Variants in PARD3B observed in about 807,000 individuals in gnomAD.
PARD3B encodes par-3 family cell polarity regulator beta.
A neutral mutation model predicts 130.2 loss-of-function variants in PARD3B; 103 were observed. That is an observed-to-expected ratio of 0.79 (90% CI 0.67 to 0.93). PARD3B has a LOEUF of 0.93. PARD3B is among the 40% of genes least tolerant of loss of function. The pLI is 0.00. For synonymous variants in PARD3B, 583 were observed against 553.2 expected, an observed-to-expected ratio of 1.05 and a Z score of -0.76; for missense variants, 1,609 against 1,499.2, an observed-to-expected ratio of 1.07 and a Z score of -1.21.
At chr2:205,406,580 A>G (rs944486189) in intron 19 of PARD3B, among the ~76,000 whole-genome samples, 4 of 151,214 alleles carry the variant, frequency 2.6e-5, no homozygotes, top group African/African-American at 9.7e-5. Flanking sequence ...ATAAAATATT[A>G]TAAAAATCAT....
At chr2:205,127,097 C>T (rs753656630) in intron 10 of PARD3B, among the ~76,000 whole-genome samples, 3 of 151,502 alleles carry the variant, frequency 2.0e-5, no homozygotes, top group East Asian at 3.9e-4. Flanking sequence ...GTCAGGAGTT[C>T]GAAACCTGAC....
chr2:204,935,373 C>CAAA (rs3067765), intron 2 of PARD3B, among the ~76,000 whole-genome samples: 1,325 of 128,990 alleles, frequency 0.01, 16 homozygotes, highest in African/African-American at 0.025. Flanking sequence ...ACTAAAAATA[C>CAAA]AAAAAAAAAA....
At chr2:205,573,856 G>GT (rs1327833889) in intron 22 of PARD3B, among the ~76,000 whole-genome samples, 2 of 152,146 alleles carry the variant, frequency 1.3e-5, no homozygotes, top group Non-Finnish European at 2.9e-5. Context: ...GACTAGACAA[G>GT]TTAACAGTTC....
intron 1 of PARD3B, among the ~76,000 whole-genome samples, chr2:204,549,297 C>A (rs2030266695): frequency 6.6e-6 from 1 of 152,176 alleles, no homozygotes; most frequent in Non-Finnish European, 1.5e-5. Flanking sequence ...AATCCTGACA[C>A]TTTATCAGTG....
intron 21 of PARD3B, among the ~76,000 whole-genome samples, chr2:205,544,139 A>G (rs60631263): frequency 0.04 from 6,067 of 152,242 alleles, 407 homozygotes; most frequent in African/African-American, 0.14. Context: ...TAAGTACTAG[A>G]TATTAGCATC....
At chr2:204,986,749 T>C (rs1693191724) in intron 3 of PARD3B, among the ~76,000 whole-genome samples, 2 of 152,186 alleles carry the variant, frequency 1.3e-5, no homozygotes, top group Non-Finnish European at 2.9e-5. Flanking sequence ...AATGACCTTT[T>C]CGATGGGTAA....
chr2:204,565,266 G>T (rs528909357), intron 1 of PARD3B, among the ~76,000 whole-genome samples: 2 of 152,104 alleles, frequency 1.3e-5, no homozygotes, highest in Non-Finnish European at 2.9e-5. Flanking sequence ...AAGTCAGCTC[G>T]CAACACGGAG....
intron 2 of PARD3B, among the ~76,000 whole-genome samples, chr2:204,739,982 A>T (rs1049438579): frequency 6.6e-6 from 1 of 151,028 alleles, no homozygotes; most frequent in African/African-American, 2.4e-5. Context: ...CTAAACTTTA[A>T]TTCTGTTTTC....
chr2:204,760,202 G>C (rs1344522095), intron 2 of PARD3B, among the ~76,000 whole-genome samples: 3 of 152,050 alleles, frequency 2.0e-5, no homozygotes, highest in Non-Finnish European at 4.4e-5. Context: ...TTTCACCTTA[G>C]TGGGTTGTAA....
intron 4 of PARD3B, among the ~76,000 whole-genome samples, chr2:205,080,277 A>G (rs1023828797): frequency 9.2e-5 from 14 of 152,266 alleles, no homozygotes; most frequent in Non-Finnish European, 1.6e-4. Context: ...ATTGTAAATG[A>G]GTAATTTCTT....
intron 2 of PARD3B, among the ~76,000 whole-genome samples, chr2:204,832,618 A>G (rs528458894): frequency 7.2e-5 from 11 of 152,198 alleles, no homozygotes; most frequent in African/African-American, 1.7e-4. Context: ...GAAGACTGGC[A>G]TGGGAGACAA....
rs2039475128 is a variant in PARD3B at position 205,244,242 on chromosome 2, A to G, written c.2141-1536A>G. 6.6e-6 allele frequency among the ~76,000 whole-genome samples: 1 copy of G among 152,196 alleles called. No individual in the cohort carries two copies. Among genetic ancestry groups the G allele is most frequent in the Non-Finnish European group, 1.5e-5 (1 of 68,024 alleles). ...ATGTTGTGGGCAGAGAAAAAAAGGG[A>G]CATGTTACTCTGAGATCAATCTAGT... On this transcript the variant is annotated intron_variant, in intron 15 of 22. Coordinates refer to ENST00000406610, the MANE Select transcript of PARD3B (RefSeq NM_001302769.2). This position sits in a 1 kb window ranked among gnomAD's most constrained non-coding sequence, Gnocchi z 4.7.
At chr2:205,587,646 C>G (rs1483491086) in intron 22 of PARD3B, among the ~76,000 whole-genome samples, 5 of 152,112 alleles carry the variant, frequency 3.3e-5, no homozygotes, top group African/African-American at 9.7e-5. Flanking sequence ...GGCAAGCACT[C>G]AGGTATTGGG....
At position 205,550,939 on chromosome 2, in the gene PARD3B, G is replaced by GTATATATATATA. The variant is rs1180732924; in HGVS notation, c.3181-2384_3181-2383insATATATATATAT. 1.8e-5 allele frequency among the ~76,000 whole-genome samples: 1 copy of GTATATATATATA among 56,038 alleles called. No homozygotes were observed. Among genetic ancestry groups the GTATATATATATA allele is most frequent in the Non-Finnish European group, 3.8e-5 (1 of 26,472 alleles). 36.8% of individuals were successfully genotyped at this position (56,038 alleles called of 152,430 possible). Reference sequence around the variant, plus strand: ...CATATAATTATGTGTGTGTGTGTGTGTGTATATATATATGTGTATATATAT... The same window carrying GTATATATATATA: ...CATATAATTATGTGTGTGTGTGTGTGTATATATATATATGTATATATATATGTGTATATATAT... On this transcript the variant is annotated intron_variant, in intron 21 of 22. Transcript: ENST00000406610. This position sits in a 1 kb window ranked among gnomAD's most constrained non-coding sequence, Gnocchi z 4.5.
At chr2:205,152,346 A>C (rs1327278700) in intron 10 of PARD3B, among the ~76,000 whole-genome samples, 1 of 152,148 alleles carries the variant, frequency 6.6e-6, no homozygotes, top group Non-Finnish European at 1.5e-5. Flanking sequence ...TAACATCCTG[A>C]AGAGTGTTTT....
At chr2:205,279,845 T>C (rs1165670069) in intron 16 of PARD3B, among the ~76,000 whole-genome samples, 5 of 152,198 alleles carry the variant, frequency 3.3e-5, no homozygotes, top group African/African-American at 4.8e-5. Flanking sequence ...AAGTAAGTTC[T>C]CCAGTGTTTC....
chr2:204,595,212 A>G (rs1327156716), intron 1 of PARD3B, among the ~76,000 whole-genome samples: 3 of 152,168 alleles, frequency 2.0e-5, no homozygotes, highest in Non-Finnish European at 2.9e-5. Flanking sequence ...ATGGTCTCCA[A>G]AGGAGAGCAA....
chr2:205,371,690 A>G (rs953215260), intron 18 of PARD3B, among the ~76,000 whole-genome samples: 2 of 152,120 alleles, frequency 1.3e-5, no homozygotes, highest in African/African-American at 4.8e-5. Flanking sequence ...CAGTCATTTG[A>G]TTTGGGGAAG....
chr2:205,570,029 GCC>G, intron 22 of PARD3B, among the ~76,000 whole-genome samples: 1 of 152,210 alleles, frequency 6.6e-6, no homozygotes, highest in African/African-American at 2.4e-5. Context: ...ATTGGGAGTT[GCC>G]TTTTAATTTC....
Sources: gnomAD v4.1 joint callset for allele counts (sites outside exome capture counted in the v4.1 genomes callset) on GRCh38, gnomAD v4.1.1 for gene constraint, Gnocchi (gnomAD v3.1) non-coding constraint, MANE v1.5 for transcripts, NCBI Gene and HGNC (gene_info 2026-07-23, HGNC 2026-07-21) for gene names.